Variants in GSE1 observed in about 807,000 individuals in gnomAD.
GSE1 encodes the protein Gse1 coiled-coil protein, also known as genetic suppressor element 1.
GSE1 carries 32 observed loss-of-function variants against 112.6 expected under a neutral mutation model. That is an observed-to-expected ratio of 0.28 (90% CI 0.21 to 0.38). The LOEUF (loss-of-function observed/expected upper bound fraction) is 0.38, where lower values mean the gene tolerates loss of function less well. Ranked by LOEUF, GSE1 falls within the 10% of genes least tolerant of loss-of-function variation. The probability of loss-of-function intolerance (pLI) is 1.00; values close to 1 mark genes in which losing one functional copy is unlikely to be tolerated. For synonymous variants in GSE1, 1,115 were observed against 735.6 expected, an observed-to-expected ratio of 1.52 and a Z score of -8.35; for missense variants, 2,348 against 1,699.2, an observed-to-expected ratio of 1.38 and a Z score of -6.71.
intron 2 of GSE1, among the ~76,000 whole-genome samples, chr16:85,422,460 G>A (rs1376070753): frequency 6.6e-6 from 1 of 152,168 alleles, no homozygotes; most frequent in Non-Finnish European, 1.5e-5. Flanking sequence ...GGGCCCACGC[G>A]GGAGGCAGTG....
intron 1 of GSE1, among the ~76,000 whole-genome samples, chr16:85,578,919 A>G (rs2046340958): frequency 6.6e-6 from 1 of 150,840 alleles, no homozygotes; most frequent in African/African-American, 2.4e-5. Context: ...ACTGGACTGT[A>G]AGCTCCCCCC....
chr16:85,396,378 C>T (rs1218509824), intron 2 of GSE1, among the ~76,000 whole-genome samples: 1 of 152,254 alleles, frequency 6.6e-6, no homozygotes, highest in Non-Finnish European at 1.5e-5. Context: ...TGAACTCCAG[C>T]ACAGAGTGGA....
intron 2 of GSE1, among the ~76,000 whole-genome samples, chr16:85,467,567 C>A (rs1191097429): frequency 6.6e-6 from 1 of 152,072 alleles, no homozygotes; most frequent in African/African-American, 2.4e-5. Context: ...GGTGAGAATG[C>A]TGGGTTGGTT....
Position 85,388,292 on chromosome 16 carries a change from G to GTGGGTGGATGGA in GSE1, c.2464+30652_2464+30653insGTGGATGGATGG, listed in dbSNP as rs796067990. 2.5e-4 allele frequency among the ~76,000 whole-genome samples: 12 copies of GTGGGTGGATGGA among 47,662 alleles called. 1 individual carries two copies. The highest frequency in any genetic ancestry group is 1.1e-3 in the African/African-American group (12 of 10,884). The allele number at this position is 47,662 out of a possible 152,430, so 31.3% of individuals were successfully genotyped here. A position where few individuals can be genotyped will look rare whatever the true frequency, so the allele number is the denominator to read the frequency against. ...GATGGATGGGTGAGTGGATGGGTGG[G>GTGGGTGGATGGA]TGGATGGATGGATGGATGGATGGAT... On this transcript the variant is annotated intron_variant, in intron 2 of 2. Transcript: ENST00000637419.
At chr16:85,299,909 C>T (rs1246862940) in intron 1 of GSE1, among the ~76,000 whole-genome samples, 1 of 147,194 alleles carries the variant, frequency 6.8e-6, no homozygotes, top group Non-Finnish European at 1.5e-5. Context: ...GCACTCCAGC[C>T]TGGGTGACAG....
chr16:85,313,459 C>G (rs995939179), intron 1 of GSE1, among the ~76,000 whole-genome samples: 4 of 152,188 alleles, frequency 2.6e-5, no homozygotes, highest in African/African-American at 9.7e-5. Flanking sequence ...TCCTCTCTTG[C>G]AGACAACGGG....
chr16:85,482,221 G>A (rs1184306328), intron 2 of GSE1, among the ~76,000 whole-genome samples: 2 of 133,030 alleles, frequency 1.5e-5, no homozygotes, highest in African/African-American at 8.4e-5. Flanking sequence ...CAGTGGGTGA[G>A]GGTCCAGCTC....
chr16:85,651,842 C>T (rs1470792685), intron 3 of GSE1, among the ~76,000 whole-genome samples: 1 of 152,218 alleles, frequency 6.6e-6, no homozygotes, highest in African/African-American at 2.4e-5. Context: ...TCCAGAGACC[C>T]ACTAGCTTTA....
intron 2 of GSE1, among the ~76,000 whole-genome samples, chr16:85,479,188 A>ATTT (rs59825091): frequency 0.36 from 29,613 of 82,076 alleles, 7,179 homozygotes; most frequent in Non-Finnish European, 0.46. Flanking sequence ...TGCCCGGCTA[A>ATTT]TTTTTTTTTT....
At chr16:85,383,550 T>C (rs1304617806) in intron 2 of GSE1, among the ~76,000 whole-genome samples, 1 of 55,186 alleles carries the variant, frequency 1.8e-5, no homozygotes, top group Admixed American at 1.5e-4. Context: ...TCTCTCTCTC[T>C]CTCTCTCTCT....
intron 2 of GSE1, among the ~76,000 whole-genome samples, chr16:85,443,071 C>G (rs565132850): frequency 2.0e-5 from 3 of 152,356 alleles, no homozygotes; most frequent in Non-Finnish European, 2.9e-5. Flanking sequence ...GTGGCATGGT[C>G]TCATCTGAGA....
chr16:85,519,971 C>T (rs1598046845), intron 2 of GSE1, among the ~76,000 whole-genome samples: 1 of 152,118 alleles, frequency 6.6e-6, no homozygotes, highest in East Asian at 1.9e-4. Context: ...CCTTATGACC[C>T]ACGGTGCTTT....
In GSE1 at chr16:85,296,606, C is replaced by G. The variant is rs956946597; in HGVS notation, c.2284-60857C>G. ...GGAGTGACAGAGCAAGATTCCTTCT[C>G]CAAACAAACAAAAACCAAAAACAAA... On this transcript the variant is annotated intron_variant, in intron 1 of 2. Coordinates refer to the GSE1 transcript ENST00000637419. Among the ~76,000 whole-genome samples, 4 of 152,236 alleles carry G rather than the reference C, an allele frequency of 2.6e-5. 1 individual carries two copies. Among genetic ancestry groups the G allele is most frequent in the African/African-American group, 4.8e-5 (2 of 41,540 alleles).
At chr16:85,637,239 G>C (rs1410166475) in intron 2 of GSE1, among the ~76,000 whole-genome samples, 4 of 152,220 alleles carry the variant, frequency 2.6e-5, no homozygotes, top group Non-Finnish European at 5.9e-5. Flanking sequence ...GTACCTGTGG[G>C]CATTTTGTAC....
At chr16:85,339,908 C>G (rs1318196634) in intron 1 of GSE1, among the ~76,000 whole-genome samples, 1 of 152,164 alleles carries the variant, frequency 6.6e-6, no homozygotes, top group African/African-American at 2.4e-5. Flanking sequence ...TACTCACTGC[C>G]AAGTCCTCAG....
At chr16:85,604,805 AT>A (rs1287012317) in intron 1 of GSE1, among the ~76,000 whole-genome samples, 1 of 1,228 alleles carries the variant, frequency 8.1e-4, no homozygotes, top group African/African-American at 1.3e-3. Context: ...ATATATATAT[AT>A]TTTTTTTTTT....
chr16:85,411,572 GGCC>G (rs529289907), intron 2 of GSE1, among the ~76,000 whole-genome samples: 1 of 30,650 alleles, frequency 3.3e-5, no homozygotes, highest in Non-Finnish European at 7.3e-5. Flanking sequence ...TTACACTCAG[GGCC>G]CCCCCGGATA....
intron 11 of GSE1, chr16:85,664,707 A>G: frequency 4.0e-6 from 1 of 249,924 alleles, no homozygotes; most frequent in South Asian, 6.2e-5. Flanking sequence ...TCTGACTTGA[A>G]ATAAGAATAC....
At chr16:85,437,301 G>A (rs1451558661) in intron 2 of GSE1, among the ~76,000 whole-genome samples, 4 of 152,298 alleles carry the variant, frequency 2.6e-5, no homozygotes, top group Admixed American at 2.0e-4. Flanking sequence ...GGGGAGGGGC[G>A]AGGAGTGCCG....
Sources: allele counts gnomAD v4.1 joint callset (sites outside exome capture counted in the v4.1 genomes callset), GRCh38; gene constraint gnomAD v4.1.1; transcripts MANE v1.5; gene names NCBI Gene and HGNC (gene_info 2026-07-23, HGNC 2026-07-21).